The following ARFGEF2 variants were observed in gnomAD, a reference collection of about 807,000 sequenced individuals.
ARFGEF2 encodes brefeldin A-inhibited guanine nucleotide-exchange protein 2.
A neutral mutation model predicts 219.9 loss-of-function variants in ARFGEF2; 74 were observed. The ratio of observed to expected loss-of-function variants is 0.34; its 90% CI spans 0.28 to 0.41. The LOEUF is 0.41. ARFGEF2 is among the 10% of genes least tolerant of loss of function. The pLI is 1.00. For synonymous variants in ARFGEF2, 733 were observed against 799.2 expected (o/e 0.92, Z 1.40); for missense variants, 1,743 against 2,218.3 (o/e 0.79, Z 4.30).
chr20:48,941,244 T>C lies in ARFGEF2; in HGVS notation c.152+15T>C, dbSNP rs750216612. 1.2e-6 allele frequency: 2 copies of C among 1,612,616 alleles called. No individual in the cohort carries two copies. Among genetic ancestry groups the C allele is most frequent in the Admixed American group, 3.3e-5 (2 of 59,878 alleles). ...GAAAAGCAGAGGTAAGCTATAGCAC[T>C]ACCTCCTTGCTGAGATACGGCATGA... On this transcript the variant is annotated intron_variant, in intron 2 of 38. Coordinates refer to ENST00000371917, the MANE Select transcript of ARFGEF2 (RefSeq NM_006420.3).
At chr20:48,950,844 A>ATATG (rs1379978049) in intron 3 of ARFGEF2, among the ~76,000 whole-genome samples, 5 of 119,676 alleles carry the variant, frequency 4.2e-5, no homozygotes, top group East Asian at 2.4e-4. Context: ...ATATATATAT[A>ATATG]TATGTATGTA....
chr20:48,924,161 A>G (rs1005981536), intron 1 of ARFGEF2, among the ~76,000 whole-genome samples: 1 of 152,206 alleles, frequency 6.6e-6, no homozygotes, highest in Non-Finnish European at 1.5e-5. Flanking sequence ...ATGCCTGGTG[A>G]TATTTCTCTC....
In ARFGEF2 at chr20:48,989,565, A is replaced by T. The variant is rs778874771; in HGVS notation, c.2695A>T (p.Thr899Ser). 30 of 1,614,108 alleles carry T rather than the reference A, an allele frequency of 1.9e-5. No individual in the cohort carries two copies. Among genetic ancestry groups the T allele is most frequent in the Non-Finnish European group, 2.5e-5 (29 of 1,180,044 alleles). Residue 899 changes from threonine to serine, a missense_variant, in exon 20 of 39, where the codon ACG becomes TCG. Transcript: ENST00000371917. The stretch of plus-strand genomic sequence containing the variant: ...CTTCCTTCCATGATAGCTGGTGTGG[A>T]CGCCACTATTGGCAGCCTACAGCAT... ...HVRPMFKLVWTPLLAAYSIGL... is the reference protein window; with the variant it reads ...HVRPMFKLVWSPLLAAYSIGL...
Position 48,945,057 on chromosome 20 carries a change from C to A in ARFGEF2, c.276+3070C>A, listed in dbSNP as rs145907643. Among the ~76,000 whole-genome samples, 6 of 152,204 alleles carry A rather than the reference C, an allele frequency of 3.9e-5. No individual in the cohort carries two copies. The South Asian group carries it at 1.2e-3, about 32-fold the overall frequency. On this transcript the variant is annotated intron_variant, in intron 3 of 38. Transcript: ENST00000371917. ...CTGGCTGCAGACAGCTGTGTTCTCA[C>A]GTGTCATGGAGAGAGAGCTAGGTTT...
At chr20:48,993,120 A>G (rs1393420133) in intron 21 of ARFGEF2, among the ~76,000 whole-genome samples, 1 of 152,252 alleles carries the variant, frequency 6.6e-6, no homozygotes, top group Non-Finnish European at 1.5e-5. Context: ...AGGAGCCATA[A>G]TACGTAGAGA....
chr20:48,961,764 T>A (rs2091153886), intron 6 of ARFGEF2, among the ~76,000 whole-genome samples: 1 of 151,242 alleles, frequency 6.6e-6, no homozygotes, highest in Non-Finnish European at 1.5e-5. Flanking sequence ...CTCAGGAGGC[T>A]GAGGCAGGAG....
intron 1 of ARFGEF2, among the ~76,000 whole-genome samples, chr20:48,928,586 C>T (rs2090893625): frequency 6.7e-6 from 1 of 150,190 alleles, no homozygotes; most frequent in Non-Finnish European, 1.5e-5. Flanking sequence ...GCTCTGCCTC[C>T]TGGGTTCACG....
chr20:48,931,758 G>C (rs911753857), intron 1 of ARFGEF2, among the ~76,000 whole-genome samples: 4 of 152,176 alleles, frequency 2.6e-5, no homozygotes, highest in African/African-American at 9.7e-5. Flanking sequence ...GAGCAAGTAG[G>C]CCAGGGCCAG....
intron 35 of ARFGEF2, among the ~76,000 whole-genome samples, chr20:49,024,118 C>T (rs550001473): frequency 3.9e-4 from 60 of 152,248 alleles, no homozygotes; most frequent in South Asian, 2.9e-3. Flanking sequence ...ACTACAGGCA[C>T]ATGCCGCCAT....
At position 49,033,004 on chromosome 20, in the gene ARFGEF2, G is replaced by A. The variant is rs1219732876; in HGVS notation, c.5182-19G>A. Reference sequence around the variant, plus strand: ...AAAAAAAAATTGTCTAATTTTATCTGTTTCTCTCCCACCTCAAGTTCAAAG... The same window carrying A: ...AAAAAAAAATTGTCTAATTTTATCTATTTCTCTCCCACCTCAAGTTCAAAG... On this transcript the variant is annotated intron_variant, in intron 38 of 38. Coordinates refer to ENST00000371917, the MANE Select transcript of ARFGEF2 (RefSeq NM_006420.3). 1.2e-6 allele frequency: 2 copies of A among 1,611,594 alleles called. No individual in the cohort carries two copies. The highest frequency in any genetic ancestry group is 4.5e-5 in the East Asian group (2 of 44,846).
Position 48,921,930 on chromosome 20 carries a change from C to T in ARFGEF2, c.41C>T (p.Ala14Val), listed in dbSNP as rs1050725257. Residue 14 changes from alanine (A) to valine (V), a missense_variant, in exon 1 of 39, where the codon GCC (alanine) becomes GTC (valine). Around this residue, in one of 5 missense-constraint regions of ARFGEF2, gnomAD observed 394 missense variants for 426.6 expected, o/e 0.92. Coordinates refer to ENST00000371917, the MANE Select transcript of ARFGEF2 (RefSeq NM_006420.3). ...SQTKSMFVSRALEKILADKEV... is the reference protein window; with the variant it reads ...SQTKSMFVSRVLEKILADKEV... ...ACCAAGAGCATGTTCGTGTCCCGGG[C>T]CCTGGAGAAGATCCTAGCCGACAAG... The T allele has an allele frequency of 1.9e-6, 3 of 1,559,352 alleles. No individual in the cohort carries two copies. Among genetic ancestry groups the T allele is most frequent in the Non-Finnish European group, 1.7e-6 (2 of 1,151,810 alleles).
At chr20:49,021,313 ACAACT>A in intron 34 of ARFGEF2, among the ~76,000 whole-genome samples, 1 of 152,262 alleles carries the variant, frequency 6.6e-6, no homozygotes, top group East Asian at 1.9e-4. Flanking sequence ...AAACTTAAAG[ACAACT>A]CAACCTCCTT....
chr20:49,011,824 C>A, intron 27 of ARFGEF2, 100 bp from the exon 28 acceptor site: 1 of 1,281,434 alleles, frequency 7.8e-7, no homozygotes, highest in Middle Eastern at 1.8e-4. Flanking sequence ...TTAATTATCT[C>A]TGATGTATGT....
intron 8 of ARFGEF2, among the ~76,000 whole-genome samples, chr20:48,966,470 A>G (rs781611434): frequency 3.3e-5 from 5 of 152,244 alleles, no homozygotes; most frequent in Non-Finnish European, 1.5e-5. Context: ...CTTAAATAGA[A>G]TAATACAGTA....
At chr20:48,971,898 C>T (rs552391187) in intron 10 of ARFGEF2, among the ~76,000 whole-genome samples, 1 of 151,058 alleles carries the variant, frequency 6.6e-6, no homozygotes, top group African/African-American at 2.4e-5. Flanking sequence ...GAGACTCCAT[C>T]TCAAAAAAAA....
intron 1 of ARFGEF2, among the ~76,000 whole-genome samples, chr20:48,930,648 G>T (rs1196730077): frequency 6.6e-6 from 1 of 152,190 alleles, no homozygotes; most frequent in East Asian, 1.9e-4. Flanking sequence ...ATCTGAGTTG[G>T]GACTTGGATG....
chr20:49,011,921 C>T lies in ARFGEF2; in HGVS notation c.3758-3C>T, dbSNP rs2091501386. The T allele has an allele frequency of 1.2e-6, 2 of 1,614,028 alleles. No individual in the cohort carries two copies. Among genetic ancestry groups the T allele is most frequent in the South Asian group, 2.2e-5 (2 of 91,076 alleles). ...ATGAAAAATGTGCCTTGTGTTCCCC[C>T]AGCAACTATTTTCCAGCACCATTTT... is the stretch of plus-strand genomic sequence containing the variant. On this transcript the variant is annotated splice_region_variant and splice_polypyrimidine_tract_variant and intron_variant, in intron 27 of 38. Coordinates refer to ENST00000371917, the MANE Select transcript of ARFGEF2 (RefSeq NM_006420.3).
At chr20:49,010,519 T>C (rs944876494) in intron 27 of ARFGEF2, 115 bp downstream of exon 27, 10 of 1,202,432 alleles carry the variant, frequency 8.3e-6, no homozygotes, top group African/African-American at 6.0e-5. Flanking sequence ...TACTGTGATA[T>C]AGTAATGTGC....
At chr20:48,934,978 A>G (rs1374673627) in intron 1 of ARFGEF2, among the ~76,000 whole-genome samples, 1 of 152,220 alleles carries the variant, frequency 6.6e-6, no homozygotes, top group Non-Finnish European at 1.5e-5. Context: ...CCAACAGTGT[A>G]AAAGCGTTCC....
Sources: gnomAD v4.1 joint callset for allele counts (sites outside exome capture counted in the v4.1 genomes callset) on GRCh38, gnomAD v4.1.1 for gene constraint, gnomAD v4.1.1 regional missense constraint, MANE v1.5 for transcripts, NCBI Gene and HGNC (gene_info 2026-07-23, HGNC 2026-07-21) for gene names.